Variants in SLC24A2 observed in about 807,000 individuals in gnomAD.
SLC24A2 encodes solute carrier family 24 member 2.
Under a neutral mutation model 62.0 loss-of-function variants are expected in SLC24A2, and 36 were observed. That is an observed-to-expected ratio of 0.58 (90% CI 0.44 to 0.77). SLC24A2 has a LOEUF of 0.77. SLC24A2 is among the 30% of genes least tolerant of loss of function. SLC24A2 has a pLI of 0.00. For synonymous variants in SLC24A2, 358 were observed against 294.0 expected (o/e 1.22, Z -2.23); for missense variants, 846 against 817.9 (o/e 1.03, Z -0.42).
chr9:19,803,005 T>C, the SLC24A2 span, among the ~76,000 whole-genome samples: 1 of 152,152 alleles, frequency 6.6e-6, no homozygotes, highest in Non-Finnish European at 1.5e-5. Flanking sequence ...AGTTGCCACA[T>C]GAAGCAGAGA....
At chr9:19,776,569 G>T (rs1449438638) in intron 2 of SLC24A2, among the ~76,000 whole-genome samples, 3 of 152,170 alleles carry the variant, frequency 2.0e-5, no homozygotes, top group Non-Finnish European at 4.4e-5. Flanking sequence ...AGGCGGTCTA[G>T]CGTCCTACAG....
At chr9:20,051,603 G>A in the SLC24A2 span, among the ~76,000 whole-genome samples, 1 of 137,864 alleles carries the variant, frequency 7.3e-6, no homozygotes, top group African/African-American at 2.7e-5. Context: ...CATAAATTAA[G>A]ACAAAGGCAT....
At chr9:20,227,952 A>C in the SLC24A2 span, among the ~76,000 whole-genome samples, 1 of 152,288 alleles carries the variant, frequency 6.6e-6, no homozygotes, top group East Asian at 1.9e-4. Flanking sequence ...AGCTTCTTGG[A>C]GGCCAAGTCT....
chr9:20,103,278 C>G, the SLC24A2 span, among the ~76,000 whole-genome samples: 3 of 152,152 alleles, frequency 2.0e-5, no homozygotes, highest in Non-Finnish European at 4.4e-5. Flanking sequence ...AGGGCACAGA[C>G]AAACAAAAAG....
Position 19,732,874 on chromosome 9 carries a change from T to TA in SLC24A2, c.930+53062dup, listed in dbSNP as rs912202317. 8.6e-4 allele frequency among the ~76,000 whole-genome samples: 130 copies of TA among 151,688 alleles called. 1 individual carries two copies. Among genetic ancestry groups the TA allele is most frequent in the East Asian group, 2.1e-3 (11 of 5,156 alleles). ...ATGTGAAAATAATGCAGCCCCAGTGTAAAAAAAAATCCAGATTTTTCAATT... is the reference window on the plus strand; with the variant it reads ...ATGTGAAAATAATGCAGCCCCAGTGTAAAAAAAAAATCCAGATTTTTCAATT... On this transcript the variant is annotated intron_variant, in intron 2 of 10. Coordinates refer to ENST00000341998, the MANE Select transcript of SLC24A2 (RefSeq NM_020344.4).
chr9:20,038,394 C>G, the SLC24A2 span, among the ~76,000 whole-genome samples: 1 of 152,188 alleles, frequency 6.6e-6, no homozygotes, highest in East Asian at 1.9e-4. Flanking sequence ...CCCAATACCC[C>G]AGTAAGGACC....
the SLC24A2 span, among the ~76,000 whole-genome samples, chr9:19,973,406 G>A: frequency 6.6e-6 from 1 of 152,206 alleles, no homozygotes; most frequent in African/African-American, 2.4e-5. Context: ...ATCCAGTGAA[G>A]CAGTTCATTT....
the SLC24A2 span, among the ~76,000 whole-genome samples, chr9:19,846,327 C>T: frequency 6.6e-6 from 1 of 152,010 alleles, no homozygotes; most frequent in Non-Finnish European, 1.5e-5. Context: ...TAAATATAAT[C>T]CTTTATTATT....
chr9:20,007,938 C>T, the SLC24A2 span, among the ~76,000 whole-genome samples: 2 of 120,970 alleles, frequency 1.7e-5, no homozygotes, highest in South Asian at 5.5e-4. Flanking sequence ...CTCTGTTGCC[C>T]AGGCTGGAGT....
chr9:20,233,951 G>A, the SLC24A2 span, among the ~76,000 whole-genome samples: 1 of 152,160 alleles, frequency 6.6e-6, no homozygotes, highest in Non-Finnish European at 1.5e-5. Flanking sequence ...GCTTTTGCTT[G>A]TCTGTAAAGT....
the SLC24A2 span, among the ~76,000 whole-genome samples, chr9:20,036,552 T>C: frequency 6.6e-6 from 1 of 152,178 alleles, no homozygotes; most frequent in Non-Finnish European, 1.5e-5. Flanking sequence ...AGTTCAATTG[T>C]TTTAGATTCC....
At chr9:19,734,791 T>TC (rs1554708470) in intron 2 of SLC24A2, among the ~76,000 whole-genome samples, 16 of 151,940 alleles carry the variant, frequency 1.1e-4, no homozygotes, top group African/African-American at 3.9e-4. Context: ...GCTGAGATGA[T>TC]GGGTTTTCTA....
the SLC24A2 span, among the ~76,000 whole-genome samples, chr9:19,954,638 A>G: frequency 0.017 from 2,569 of 152,096 alleles, 66 homozygotes; most frequent in East Asian, 0.061. Context: ...CTCTAGTTCT[A>G]AGAATACTGA....
At chr9:19,616,630 C>T (rs1817774153) in intron 4 of SLC24A2, among the ~76,000 whole-genome samples, 1 of 152,188 alleles carries the variant, frequency 6.6e-6, no homozygotes, top group African/African-American at 2.4e-5. Context: ...TCTTCCTGAG[C>T]CTTCATCGCT....
chr9:20,143,672 A>G, the SLC24A2 span, among the ~76,000 whole-genome samples: 1 of 152,226 alleles, frequency 6.6e-6, no homozygotes, highest in African/African-American at 2.4e-5. Context: ...TCAGAGAGCT[A>G]TTTAAATTCC....
the SLC24A2 span, among the ~76,000 whole-genome samples, chr9:20,204,800 G>A: frequency 1.4e-5 from 2 of 145,966 alleles, no homozygotes; most frequent in East Asian, 2.0e-4. Context: ...CTGGAATGCA[G>A]TGGCATAATC....
intron 2 of SLC24A2, among the ~76,000 whole-genome samples, chr9:19,764,375 T>A (rs1302073536): frequency 6.6e-6 from 1 of 152,232 alleles, no homozygotes; most frequent in East Asian, 1.9e-4. Context: ...GCTTCTCTAG[T>A]TCTTTTAACT....
chr9:19,907,131 A>T, the SLC24A2 span, among the ~76,000 whole-genome samples: 1 of 152,226 alleles, frequency 6.6e-6, no homozygotes, highest in African/African-American at 2.4e-5. Context: ...ATCCATCATG[A>T]TCAAGTGGGC....
rs1832677357 is a variant in SLC24A2 at position 19,510,471 on chromosome 9, T to A, written c.*5682A>T. The A allele has an allele frequency of 6.9e-6, 1 of 145,678 alleles. No homozygotes were observed. Among genetic ancestry groups the A allele is most frequent in the African/African-American group, 2.6e-5 (1 of 38,760 alleles). 9.0% of individuals were successfully genotyped at this position (145,678 alleles called of 1,614,324 possible). ...AAAAAAAAAAAAAAAGTTAAGTCAT[T>A]AAGTGGATGGGTTTGGGTTAACTTG... is the stretch of plus-strand genomic sequence containing the variant. On this transcript the variant is annotated 3_prime_UTR_variant, in exon 11 of 11. Coordinates refer to ENST00000341998, the MANE Select transcript of SLC24A2 (RefSeq NM_020344.4).
Sources: gnomAD v4.1 joint callset for allele counts (sites outside exome capture counted in the v4.1 genomes callset) on GRCh38, gnomAD v4.1.1 for gene constraint, MANE v1.5 for transcripts, NCBI Gene and HGNC (gene_info 2026-07-23, HGNC 2026-07-21) for gene names.